The following PCDH11Y variants were observed in gnomAD, a reference collection of about 807,000 sequenced individuals.
PCDH11Y encodes the protein protocadherin 11 Y-linked.
For missense variants in PCDH11Y, 12 were observed against 224.8 expected (o/e 0.05, Z 6.05); for synonymous variants, 9 against 83.6 (o/e 0.11, Z 4.87).
chrY:5,064,666 TTG>T (rs370211583), intron 1 of PCDH11Y, among the ~76,000 whole-genome samples: 172 of 18,792 alleles, frequency 9.2e-3, no homozygotes, highest in South Asian at 0.016. Flanking sequence ...ACATACATAC[TTG>T]TGTGTGTGTG....
At chrY:5,496,454 GC>G (rs2053344885) in intron 2 of PCDH11Y, among the ~76,000 whole-genome samples, 1 of 32,471 alleles carries the variant, frequency 3.1e-5, no homozygotes, top group Non-Finnish European at 7.5e-5. Context: ...ATTGTCTATG[GC>G]TGTTTTTACA....
intron 2 of PCDH11Y, among the ~76,000 whole-genome samples, chrY:5,134,778 G>A: frequency 3.2e-5 from 1 of 31,090 alleles, no homozygotes; most frequent in East Asian, 8.8e-4. Flanking sequence ...CAGGGATAAT[G>A]TATAGCTCCC....
chrY:5,141,889 G>A (rs2052850794), intron 2 of PCDH11Y, among the ~76,000 whole-genome samples: 1 of 25,192 alleles, frequency 4.0e-5, no homozygotes, highest in Non-Finnish European at 8.9e-5. Flanking sequence ...AAAAGCAATG[G>A]CAACAAAAGC....
intron 2 of PCDH11Y, among the ~76,000 whole-genome samples, chrY:5,386,494 C>T: frequency 3.0e-5 from 1 of 32,923 alleles, no homozygotes; most frequent in Non-Finnish European, 7.4e-5. Flanking sequence ...TGCCAATTAT[C>T]TTAGGTTTGG....
At chrY:5,666,776 T>C in intron 4 of PCDH11Y, among the ~76,000 whole-genome samples, 1 of 31,093 alleles carries the variant, frequency 3.2e-5, no homozygotes, top group African/African-American at 1.3e-4. Context: ...TCTTCTTCTT[T>C]TCTTACCTCC....
intron 4 of PCDH11Y, among the ~76,000 whole-genome samples, chrY:5,638,233 A>T: frequency 3.4e-5 from 1 of 29,552 alleles, no homozygotes; most frequent in African/African-American, 1.3e-4. Context: ...CTGGAAAAAA[A>T]TTTTTTAAGT....
intron 4 of PCDH11Y, among the ~76,000 whole-genome samples, chrY:5,731,357 G>A: frequency 3.1e-5 from 1 of 32,526 alleles, no homozygotes; most frequent in South Asian, 6.9e-4. Context: ...AATCTTGGGC[G>A]ATTGTGTGCT....
chrY:5,526,855 C>A, intron 3 of PCDH11Y, among the ~76,000 whole-genome samples: 1 of 32,465 alleles, frequency 3.1e-5, no homozygotes, highest in Non-Finnish European at 7.5e-5. Context: ...AGGCTAACCT[C>A]CAATCAGAAG....
intron 3 of PCDH11Y, among the ~76,000 whole-genome samples, chrY:5,040,013 C>T (rs2052604971): frequency 3.2e-5 from 1 of 31,308 alleles, no homozygotes; most frequent in Non-Finnish European, 7.7e-5. Flanking sequence ...TGGTGGCACA[C>T]GCCTGTAGTC....
chrY:5,383,498 A>T, intron 2 of PCDH11Y, among the ~76,000 whole-genome samples: 1 of 32,195 alleles, frequency 3.1e-5, no homozygotes, highest in Non-Finnish European at 7.6e-5. Flanking sequence ...AGACTGTCTC[A>T]AAAAAAAGAA....
intron 1 of PCDH11Y, among the ~76,000 whole-genome samples, chrY:5,078,341 A>T: frequency 6.0e-5 from 2 of 33,127 alleles, no homozygotes; most frequent in African/African-American, 1.2e-4. Flanking sequence ...ATGTGCATGT[A>T]TCTGTATCGT....
intron 2 of PCDH11Y, among the ~76,000 whole-genome samples, chrY:5,214,808 T>G: frequency 3.0e-5 from 1 of 32,884 alleles, no homozygotes; most frequent in African/African-American, 1.2e-4. Flanking sequence ...AATTAGGATA[T>G]TTAACATATT....
At chrY:5,170,168 A>T (rs2052885234) in intron 2 of PCDH11Y, among the ~76,000 whole-genome samples, 1 of 31,084 alleles carries the variant, frequency 3.2e-5, no homozygotes, top group Non-Finnish European at 7.8e-5. Flanking sequence ...CTGAGGCAAT[A>T]TATATTTTTA....
intron 2 of PCDH11Y, among the ~76,000 whole-genome samples, chrY:5,218,480 A>G (rs2052948891): frequency 4.9e-5 from 1 of 20,326 alleles, no homozygotes; most frequent in Non-Finnish European, 1.1e-4. Context: ...TGCTTGTTCC[A>G]TGTAAACTGA....
chrY:5,007,779 G>C, intron 1 of PCDH11Y, among the ~76,000 whole-genome samples: 1 of 24,769 alleles, frequency 4.0e-5, no homozygotes, highest in Non-Finnish European at 9.4e-5. Flanking sequence ...AGAATTAAGA[G>C]GGGAAGCTTC....
intron 2 of PCDH11Y, among the ~76,000 whole-genome samples, chrY:5,429,020 G>T: frequency 3.0e-5 from 1 of 33,383 alleles, no homozygotes; most frequent in Non-Finnish European, 7.4e-5. Flanking sequence ...AGTCTGTGAA[G>T]ATTTAAAAGT....
intron 3 of PCDH11Y, 65 bp from the exon 5 acceptor site, chrY:5,581,710 A>C: frequency 5.1e-6 from 1 of 197,159 alleles, no homozygotes; most frequent in African/African-American, 8.6e-5. Flanking sequence ...AGGTATGCTA[A>C]TATAATGTTG....
chrY:5,566,767 C>CATATA (rs2053435560), intron 3 of PCDH11Y, among the ~76,000 whole-genome samples: 1 of 32,646 alleles, frequency 3.1e-5, no homozygotes. Flanking sequence ...ACAGGACAAC[C>CATATA]ATATAGAAAC....
chrY:5,155,357 G>A lies in PCDH11Y; in HGVS notation c.3129+54650G>A, dbSNP rs200777921. Among the ~76,000 whole-genome samples the A allele has an allele frequency of 2.2e-3, 70 of 32,439 alleles. No homozygotes were observed. The East Asian group carries it at 0.038, about 18-fold the overall frequency. The allele number at this position is 32,439 out of a possible 37,273, so 87.0% of individuals were successfully genotyped here. Reference sequence around the variant, plus strand: ...GTTCCAGGGTACATGTGCAGGATGTGCAGCTTTGTTACATACGTACATATG... The same window carrying A: ...GTTCCAGGGTACATGTGCAGGATGTACAGCTTTGTTACATACGTACATATG... On this transcript the variant is annotated intron_variant, in intron 2 of 4. Transcript: ENST00000400457.
Sources: gnomAD v4.1 joint callset for allele counts (sites outside exome capture counted in the v4.1 genomes callset) on GRCh38, gnomAD v4.1.1 for gene constraint, MANE v1.5 for transcripts, NCBI Gene and HGNC (gene_info 2026-07-23, HGNC 2026-07-21) for gene names.